SLC1A2: variants seen among roughly 807,000 people sequenced by gnomAD.
SLC1A2 encodes the protein excitatory amino acid transporter 2.
Under a neutral mutation model 48.8 loss-of-function variants are expected in SLC1A2, and 15 were observed. That is an observed-to-expected ratio of 0.31 (90% CI 0.21 to 0.47). The LOEUF (loss-of-function observed/expected upper bound fraction) is 0.47, where lower values mean the gene tolerates loss of function less well. Among genes scored for constraint, SLC1A2 ranks in the 20% least tolerant of loss-of-function variants. The pLI, the probability that SLC1A2 is intolerant of heterozygous loss-of-function variation, is 0.99. For synonymous variants in SLC1A2, 279 were observed against 272.6 expected, an observed-to-expected ratio of 1.02 and a Z score of -0.23; for missense variants, 502 against 730.5, an observed-to-expected ratio of 0.69 and a Z score of 3.61.
chr11:35,293,803 G>A (rs140403875), intron 6 of SLC1A2, among the ~76,000 whole-genome samples: 1 of 152,280 alleles, frequency 6.6e-6, no homozygotes, highest in East Asian at 1.9e-4. Context: ...AAGAAAAAAT[G>A]TGAAGAGTAG....
At chr11:35,361,791 A>G (rs1359552253) in intron 1 of SLC1A2, among the ~76,000 whole-genome samples, 1 of 152,184 alleles carries the variant, frequency 6.6e-6, no homozygotes, top group Non-Finnish European at 1.5e-5. Context: ...ACCCTGGACA[A>G]CATGGCAAAA....
At chr11:35,295,717 T>A (rs1453186881) in intron 6 of SLC1A2, among the ~76,000 whole-genome samples, 1 of 152,226 alleles carries the variant, frequency 6.6e-6, no homozygotes, top group Non-Finnish European at 1.5e-5. Context: ...CATCCAGGAC[T>A]GGCCTGTGGA....
In SLC1A2 at chr11:35,265,566, G is replaced by A. The variant is rs766223926; in HGVS notation, c.1614C>T (p.Val538=). ...CTATGACAGAGTTGTGTGCAGCATAGACACATTGATTAGAGTTGCTTTCCC... is the reference window on the plus strand; with the variant it reads ...CTATGACAGAGTTGTGTGCAGCATAAACACATTGATTAGAGTTGCTTTCCC... ...NHRESNSNQC[V]YAAHNSVIVD... The change falls in exon 10 of 11, where the codon GTC becomes GTT. Residue 538 remains valine (V), a synonymous_variant. Transcript: ENST00000278379. 5 of 1,607,982 alleles carry A rather than the reference G, an allele frequency of 3.1e-6. No homozygotes were observed. Among genetic ancestry groups the A allele is most frequent in the Non-Finnish European group, 4.3e-6 (5 of 1,174,514 alleles).
At position 35,317,462 on chromosome 11, in the gene SLC1A2, G is replaced by A. The variant is rs913561736; in HGVS notation, c.72C>T (p.Gly24=). The change falls in exon 2 of 11, where the codon GGC becomes GGT. Residue 24 remains glycine, a synonymous_variant. Transcript: ENST00000278379. ...GGTGCCGGTGCTTGGGTTCCTCTGA[G>A]CCAAGATGACTGTCGTGCATTCGCA... ...VEVRMHDSHL[G]SEEPKHRHLG... 5 of 1,614,056 alleles carry A rather than the reference G, an allele frequency of 3.1e-6. No individual in the cohort carries two copies. In the Admixed American group the frequency reaches 5.0e-5, roughly 16 times the overall value.
rs377422727 is a variant in SLC1A2, at chr11:35,346,464, CT to C, written c.18-28949del. ...ACTCAACTCGGGATGTGCTGAGCATCTGGCATACCCAGGGGATTGAGGGGAT... is the reference window on the plus strand; with the variant it reads ...ACTCAACTCGGGATGTGCTGAGCATCGGCATACCCAGGGGATTGAGGGGAT... On this transcript the variant is annotated intron_variant, in intron 1 of 10. Transcript: ENST00000278379. 1.1e-3 allele frequency among the ~76,000 whole-genome samples: 175 copies of C among 152,336 alleles called. 1 individual carries two copies. Among genetic ancestry groups the C allele is most frequent in the African/African-American group, 4.0e-3 (168 of 41,578 alleles).
chr11:35,401,305 C>T (rs1855133321), intron 1 of SLC1A2, among the ~76,000 whole-genome samples: 1 of 152,204 alleles, frequency 6.6e-6, no homozygotes, highest in African/African-American at 2.4e-5. Context: ...ATTTTCCCCA[C>T]AAGAGACAGC....
At chr11:35,354,217 T>A (rs1853374954) in intron 1 of SLC1A2, among the ~76,000 whole-genome samples, 2 of 152,044 alleles carry the variant, frequency 1.3e-5, no homozygotes, top group South Asian at 4.2e-4. Flanking sequence ...TTTTGGAGGC[T>A]GAGGAGAGAG....
At chr11:35,322,877 G>A in intron 1 of SLC1A2, 1 of 634,626 alleles carries the variant, frequency 1.6e-6, no homozygotes, top group South Asian at 1.9e-5. Context: ...GCTTTAAAAG[G>A]GCCTGAAACT....
intron 1 of SLC1A2, among the ~76,000 whole-genome samples, chr11:35,398,485 G>A (rs1434843358): frequency 1.3e-5 from 2 of 151,988 alleles, no homozygotes; most frequent in African/African-American, 4.8e-5. Flanking sequence ...ACAAAGAAGA[G>A]AACAACAGAC....
At chr11:35,347,858 C>T (rs1371238227) in intron 1 of SLC1A2, among the ~76,000 whole-genome samples, 2 of 152,190 alleles carry the variant, frequency 1.3e-5, no homozygotes, top group African/African-American at 4.8e-5. Flanking sequence ...CAGGTGTGAG[C>T]CACCACACTC....
rs1363015186 is a variant in SLC1A2 at position 35,301,538 on chromosome 11, A to G, written c.838T>C (p.Leu280=). ...FNILNEIVMK[L]VIMIMWYSPL... is the part of the protein sequence containing the mutation. ...ACTTACCACATGATCATGATCACTA[A>G]CTTCATTACAATCTCATTCAAAATG... The change falls in exon 6 of 11, where the codon TTA becomes CTA. Residue 280 remains leucine (L), a synonymous_variant. Coordinates refer to ENST00000278379, the MANE Select transcript of SLC1A2 (RefSeq NM_004171.4). 1.9e-6 allele frequency: 3 copies of G among 1,613,680 alleles called. No homozygotes were observed. In the Admixed American group the frequency reaches 5.0e-5, roughly 27 times the overall value.
intron 1 of SLC1A2, chr11:35,392,320 A>G (rs982361138): frequency 2.6e-5 from 4 of 152,210 alleles, no homozygotes; most frequent in African/African-American, 9.6e-5. Context: ...GACACAGAGA[A>G]TGTGAACTCA....
chr11:35,342,576 G>A (rs1033869503), intron 1 of SLC1A2, among the ~76,000 whole-genome samples: 1 of 151,712 alleles, frequency 6.6e-6, no homozygotes. Flanking sequence ...TTCAAAAGGA[G>A]CCACAGCATA....
At chr11:35,409,792 C>A (rs1590288988) in intron 1 of SLC1A2, among the ~76,000 whole-genome samples, 1 of 152,072 alleles carries the variant, frequency 6.6e-6, no homozygotes, top group East Asian at 1.9e-4. Flanking sequence ...ACCTGTAAAC[C>A]CAGCTACTCA....
intron 1 of SLC1A2, among the ~76,000 whole-genome samples, chr11:35,384,051 G>A (rs566391820): frequency 1.1e-4 from 17 of 152,320 alleles, no homozygotes; most frequent in African/African-American, 2.2e-4. Flanking sequence ...GCCTGCCATC[G>A]CCTCCTCTGT....
At chr11:35,341,529 C>A (rs1453997387) in intron 1 of SLC1A2, among the ~76,000 whole-genome samples, 4 of 152,034 alleles carry the variant, frequency 2.6e-5, no homozygotes, top group African/African-American at 9.7e-5. Context: ...ACATCACAAG[C>A]AGCATGCAAA....
In SLC1A2 at chr11:35,256,676, A is replaced by T. The variant is rs948941307; in HGVS notation, c.*4218T>A. ...TAGCATTCTTATTCAAGGAGCAAGT[A>T]TGATAATAACTGAAAATTTCATTTG... is the stretch of plus-strand genomic sequence containing the variant. On this transcript the variant is annotated 3_prime_UTR_variant, in exon 11 of 11. Coordinates refer to ENST00000278379, the MANE Select transcript of SLC1A2 (RefSeq NM_004171.4). The T allele has an allele frequency of 2.0e-5, 3 of 152,098 alleles. No individual in the cohort carries two copies. Among genetic ancestry groups the T allele is most frequent in the African/African-American group, 7.2e-5 (3 of 41,392 alleles). The allele number at this position is 152,098 out of a possible 1,614,324, so 9.4% of individuals were successfully genotyped here. A position where few individuals can be genotyped will look rare whatever the true frequency, so the allele number is the denominator to read the frequency against.
chr11:35,256,576 A>T lies in SLC1A2; in HGVS notation c.*4318T>A, dbSNP rs1950316842. On this transcript the variant is annotated 3_prime_UTR_variant, in exon 11 of 11. Coordinates refer to ENST00000278379, the MANE Select transcript of SLC1A2 (RefSeq NM_004171.4). ...AGACCATTTATCTTCTTTGACAATT[A>T]GACTTACAAAACTCACTCCAGAATT... 1 of 151,662 alleles carries T rather than the reference A, an allele frequency of 6.6e-6. No individual in the cohort carries two copies. Among genetic ancestry groups the T allele is most frequent in the Non-Finnish European group, 1.5e-5 (1 of 67,884 alleles). 9.4% of individuals were successfully genotyped at this position (151,662 alleles called of 1,614,324 possible).
At chr11:35,322,502 TA>T in intron 1 of SLC1A2, 3 of 1,084,106 alleles carry the variant, frequency 2.8e-6, no homozygotes, top group Non-Finnish European at 4.1e-6. Flanking sequence ...CCAGGGAGCC[TA>T]AAAGCAACTG....
Sources: allele counts gnomAD v4.1 joint callset (sites outside exome capture counted in the v4.1 genomes callset), GRCh38; gene constraint gnomAD v4.1.1; transcripts MANE v1.5; gene names NCBI Gene and HGNC (gene_info 2026-07-23, HGNC 2026-07-21).